The following RGS6 variants were observed in gnomAD, a reference collection of about 807,000 sequenced individuals.
RGS6 encodes the protein regulator of G protein signaling 6, also known as regulator of G-protein signaling 6.
In RGS6, 30 loss-of-function variants were observed where a neutral mutation model predicts 78.5. The ratio of observed to expected loss-of-function variants is 0.38; its 90% CI spans 0.29 to 0.52. RGS6 has a LOEUF of 0.52. RGS6 is among the 20% of genes least tolerant of loss of function. The pLI is 0.85. For synonymous variants in RGS6, 206 were observed against 206.0 expected (o/e 1.00, Z 0.00); for missense variants, 495 against 609.7 (o/e 0.81, Z 1.98).
the RGS6 span, among the ~76,000 whole-genome samples, chr14:72,571,657 C>A: frequency 2.0e-5 from 3 of 152,162 alleles, no homozygotes; most frequent in Non-Finnish European, 4.4e-5. Flanking sequence ...CTACCTCACA[C>A]CTTATACAAA....
the RGS6 span, among the ~76,000 whole-genome samples, chr14:72,574,684 G>T: frequency 6.6e-6 from 1 of 152,332 alleles, no homozygotes; most frequent in South Asian, 2.1e-4. Flanking sequence ...AGTAAGAGGG[G>T]CATAGGAACA....
the RGS6 span, among the ~76,000 whole-genome samples, chr14:71,921,079 A>G: frequency 8.5e-5 from 13 of 152,368 alleles, no homozygotes; most frequent in Middle Eastern, 3.4e-3. Context: ...AGACATAAAA[A>G]TAGCCAACTG....
chr14:72,314,318 T>C (rs763223777), intron 2 of RGS6, among the ~76,000 whole-genome samples: 5 of 152,170 alleles, frequency 3.3e-5, no homozygotes, highest in Non-Finnish European at 5.9e-5. Flanking sequence ...AATCACAAGA[T>C]GGCTGCTGTG....
chr14:72,002,751 T>C (rs1437833482), intron 2 of RGS6, among the ~76,000 whole-genome samples: 1 of 152,182 alleles, frequency 6.6e-6, no homozygotes, highest in East Asian at 1.9e-4. Flanking sequence ...TTGCATACAT[T>C]ATCCTCTGGA....
chr14:72,176,218 A>G (rs2097102696), intron 2 of RGS6, among the ~76,000 whole-genome samples: 1 of 152,222 alleles, frequency 6.6e-6, no homozygotes, highest in South Asian at 2.1e-4. Flanking sequence ...GGAGAGGGGA[A>G]AAGCCTGAGT....
chr14:71,892,393 T>TACAA, the RGS6 span, among the ~76,000 whole-genome samples: 2 of 152,244 alleles, frequency 1.3e-5, no homozygotes, highest in East Asian at 3.8e-4. Flanking sequence ...ACGGCCTTCC[T>TACAA]ACAAACACCT....
At chr14:72,435,656 G>A (rs74562995) in intron 3 of RGS6, among the ~76,000 whole-genome samples, 4,873 of 151,980 alleles carry the variant, frequency 0.032, 176 homozygotes, top group Admixed American at 0.088. Flanking sequence ...TCTCGAGGTC[G>A]CCTGCATTTC....
At chr14:72,080,674 C>T (rs1313524304) in intron 2 of RGS6, among the ~76,000 whole-genome samples, 2 of 152,050 alleles carry the variant, frequency 1.3e-5, no homozygotes, top group Non-Finnish European at 2.9e-5. Context: ...AGTCTTTAAT[C>T]CACTTTGAGT....
At chr14:72,597,521 A>G in the RGS6 span, among the ~76,000 whole-genome samples, 1 of 152,200 alleles carries the variant, frequency 6.6e-6, no homozygotes, top group African/African-American at 2.4e-5. Flanking sequence ...TGGACCAGAC[A>G]TAAATCTTTT....
chr14:72,571,746 G>C, the RGS6 span, among the ~76,000 whole-genome samples: 2 of 152,062 alleles, frequency 1.3e-5, no homozygotes, highest in Non-Finnish European at 2.9e-5. Flanking sequence ...TCACGATCTT[G>C]GATTGGGCAA....
intron 2 of RGS6, among the ~76,000 whole-genome samples, chr14:72,344,013 G>T (rs945990637): frequency 2.6e-5 from 4 of 152,134 alleles, no homozygotes; most frequent in African/African-American, 9.7e-5. Flanking sequence ...TGACCAAAAG[G>T]ACTTGCTCCA....
At chr14:72,090,888 T>G (rs749336798) in intron 2 of RGS6, among the ~76,000 whole-genome samples, 2 of 152,110 alleles carry the variant, frequency 1.3e-5, no homozygotes, top group African/African-American at 2.4e-5. Context: ...TCCTCCCTCC[T>G]CCCCAGTAGC....
chr14:72,243,101 C>A (rs1012048268), intron 2 of RGS6, among the ~76,000 whole-genome samples: 1 of 152,076 alleles, frequency 6.6e-6, no homozygotes, highest in African/African-American at 2.4e-5. Flanking sequence ...CCACCCGCCT[C>A]GGCCTCCCAA....
intron 2 of RGS6, among the ~76,000 whole-genome samples, chr14:72,336,311 C>G (rs868001102): frequency 3.3e-5 from 5 of 152,166 alleles, no homozygotes; most frequent in Non-Finnish European, 5.9e-5. Context: ...CTTGACCCTC[C>G]TAGTTTTAAA....
chr14:72,050,684 C>T (rs36737), intron 2 of RGS6, among the ~76,000 whole-genome samples: 4 of 152,148 alleles, frequency 2.6e-5, no homozygotes, highest in Admixed American at 6.5e-5. Context: ...ATCAATATAC[C>T]GTTGACCCTT....
intron 2 of RGS6, among the ~76,000 whole-genome samples, chr14:72,170,559 C>T (rs574231090): frequency 2.6e-5 from 4 of 152,150 alleles, no homozygotes; most frequent in East Asian, 1.9e-4. Context: ...TAAGCATGTA[C>T]GTTTTCATCT....
At chr14:71,964,667 T>C in intron 1 of RGS6, 105 bp from the exon 2 acceptor site, 4 of 716,228 alleles carry the variant, frequency 5.6e-6, no homozygotes, top group Non-Finnish European at 7.0e-6. Context: ...TAATATCATG[T>C]TTTTGTTCAT....
intron 2 of RGS6, among the ~76,000 whole-genome samples, chr14:72,127,462 A>G (rs1213242376): frequency 6.6e-6 from 1 of 152,230 alleles, no homozygotes; most frequent in Non-Finnish European, 1.5e-5. Context: ...AAACAAGATA[A>G]TTCTTAAGCT....
downstream of RGS6, among the ~76,000 whole-genome samples, chr14:72,567,465 C>T (rs548925652): frequency 2.0e-5 from 3 of 152,296 alleles, no homozygotes; most frequent in Admixed American, 6.5e-5. Flanking sequence ...CTACCCTGAC[C>T]GCCACGAGCA....
Sources: gnomAD v4.1 joint callset for allele counts (sites outside exome capture counted in the v4.1 genomes callset) on GRCh38, gnomAD v4.1.1 for gene constraint, MANE v1.5 for transcripts, NCBI Gene and HGNC (gene_info 2026-07-23, HGNC 2026-07-21) for gene names.